The following MED11 variants were observed in gnomAD, a reference collection of about 807,000 sequenced individuals.
The protein encoded by MED11 is mediator of RNA polymerase II transcription subunit 11.
In MED11, 19 loss-of-function variants were observed where a neutral mutation model predicts 13.9. The ratio of observed to expected loss-of-function variants is 1.36; its 90% CI spans 0.95 to 2.00. The LOEUF is 2.00. MED11 is among the 30% of genes most tolerant of loss of function. The probability of loss-of-function intolerance (pLI) is 0.00; values close to 1 mark genes in which losing one functional copy is unlikely to be tolerated. For missense variants in MED11, 134 were observed against 150.2 expected (o/e 0.89, Z 0.56); for synonymous variants, 67 against 62.1 (o/e 1.08, Z -0.37).
At position 4,731,482 on chromosome 17, in the gene MED11, G is replaced by A. The variant is rs774265519; in HGVS notation, c.-8G>A. ...GAGAAACTCTTGGTGAGAATTCCCAGAGTGATAATGGCTACCTACAGCCTG... is the reference window on the plus strand; with the variant it reads ...GAGAAACTCTTGGTGAGAATTCCCAAAGTGATAATGGCTACCTACAGCCTG... On this transcript the variant is annotated 5_prime_UTR_variant, in exon 1 of 3. Transcript: ENST00000293777. 1 of 1,613,980 alleles carries A rather than the reference G, an allele frequency of 6.2e-7. No individual in the cohort carries two copies. The highest frequency in any genetic ancestry group is 2.2e-5 in the East Asian group (1 of 44,884).
rs767848061 is a variant in MED11 at position 4,731,905 on chromosome 17, A to G, written c.215A>G (p.Gln72Arg). The change falls in exon 2 of 3, where the codon CAG becomes CGG. Residue 72 changes from glutamine (Q) to arginine (R), a missense_variant and splice_region_variant. Transcript: ENST00000293777. ...TCAGCTCAGATCCGCTACCTCACCC[A>G]GGTCGGTGTGTCTGGGGGGTTCTGC... ...ELSAQIRYLTQVATGQPHEGS... is the reference protein window; with the variant it reads ...ELSAQIRYLTRVATGQPHEGS... 5.0e-6 allele frequency: 8 copies of G among 1,613,316 alleles called. No homozygotes were observed. Among genetic ancestry groups the G allele is most frequent in the Non-Finnish European group, 6.8e-6 (8 of 1,179,668 alleles).
intron 2 of MED11, chr17:4,732,556 C>T (rs1028334585): frequency 1.2e-5 from 2 of 160,956 alleles, no homozygotes; most frequent in African/African-American, 4.8e-5. Context: ...GCACTCCAGC[C>T]TGGGTAACAG....
chr17:4,733,319 C>T lies in MED11; in HGVS notation c.*132C>T, dbSNP rs1916046846. The stretch of plus-strand genomic sequence containing the variant: ...GTCAAAGTACCCTAGGACAAAGGGG[C>T]AAATGGTGGGCATGGAAAAACTGAA... On this transcript the variant is annotated 3_prime_UTR_variant, in exon 3 of 3. Transcript: ENST00000293777. 8.5e-7 allele frequency: 1 copy of T among 1,170,386 alleles called. No homozygotes were observed. The highest frequency in any genetic ancestry group is 1.5e-5 in the African/African-American group (1 of 64,906). 72.5% of individuals were successfully genotyped at this position (1,170,386 alleles called of 1,614,324 possible).
intron 2 of MED11, 85 bp downstream of exon 2, chr17:4,731,991 C>G (rs1915994591): frequency 6.7e-7 from 1 of 1,498,508 alleles, no homozygotes. Flanking sequence ...GGAGCATTAA[C>G]TGGGCAGGAC....
At position 4,733,497 on chromosome 17, in the gene MED11, C is replaced by G. The variant is rs562539799; in HGVS notation, c.*310C>G. The G allele has an allele frequency of 3.7e-6, 1 of 271,022 alleles. No individual in the cohort carries two copies. Among genetic ancestry groups the G allele is most frequent in the Admixed American group, 5.1e-5 (1 of 19,658 alleles). 16.8% of individuals were successfully genotyped at this position (271,022 alleles called of 1,614,324 possible). On this transcript the variant is annotated 3_prime_UTR_variant, in exon 3 of 3. Transcript: ENST00000293777. ...CTTCATGCTGCTGCCCCAGCCTTCC[C>G]GCAGACTTGGCCTAATGAAAATACA...
At chr17:4,731,618 C>T in intron 1 of MED11, 44 bp downstream of exon 1, 2 of 1,611,646 alleles carry the variant, frequency 1.2e-6, no homozygotes, top group East Asian at 2.2e-5. Context: ...GAAAGCGTGA[C>T]CGGGCTGCAC....
At chr17:4,731,690 G>C (rs1246729412) in intron 1 of MED11, 86 bp from the exon 2 acceptor site, 4 of 1,606,414 alleles carry the variant, frequency 2.5e-6, no homozygotes, top group Non-Finnish European at 3.4e-6. Flanking sequence ...CGTGCGCAGC[G>C]AAAGGGCGGG....
At position 4,733,193 on chromosome 17, in the gene MED11, G is replaced by A. The variant is rs1357244211; in HGVS notation, c.*6G>A. On this transcript the variant is annotated 3_prime_UTR_variant, in exon 3 of 3. Transcript: ENST00000293777. Reference sequence around the variant, plus strand: ...AGCAGATGCTGGAGAACTAGGCCAGGGAGATGGACCCAGAGCTGAGAGGGA... The same window carrying A: ...AGCAGATGCTGGAGAACTAGGCCAGAGAGATGGACCCAGAGCTGAGAGGGA... The A allele has an allele frequency of 1.2e-6, 2 of 1,614,098 alleles. No homozygotes were observed. The highest frequency in any genetic ancestry group is 1.7e-5 in the Admixed American group (1 of 60,010).
intron 2 of MED11, 147 bp from the exon 3 acceptor site, chr17:4,732,903 C>G: frequency 2.2e-6 from 2 of 893,860 alleles, no homozygotes; most frequent in Non-Finnish European, 3.4e-6. Context: ...ATTTTACAGA[C>G]AAGATTAACA....
rs1019266957 is a variant in MED11, at chr17:4,731,487, A to G, written c.-3A>G. 1 of 1,614,030 alleles carries G rather than the reference A, an allele frequency of 6.2e-7. No homozygotes were observed. The highest frequency in any genetic ancestry group is 8.5e-7 in the Non-Finnish European group (1 of 1,179,954). On this transcript the variant is annotated 5_prime_UTR_variant, in exon 1 of 3. Coordinates refer to ENST00000293777, the MANE Select transcript of MED11 (RefSeq NM_001001683.4). ...ACTCTTGGTGAGAATTCCCAGAGTG[A>G]TAATGGCTACCTACAGCCTGGCGAA... is the stretch of plus-strand genomic sequence containing the variant.
Position 4,731,440 on chromosome 17 carries a change from A to G in MED11, c.-50A>G, listed in dbSNP as rs1167665382. Reference sequence around the variant, plus strand: ...CACACCGAGAGCCACTTCCGGAACAAGCGTCGCGTTTCTGAGGAGAAACTC... The same window carrying G: ...CACACCGAGAGCCACTTCCGGAACAGGCGTCGCGTTTCTGAGGAGAAACTC... On this transcript the variant is annotated 5_prime_UTR_variant, in exon 1 of 3. Coordinates refer to ENST00000293777, the MANE Select transcript of MED11 (RefSeq NM_001001683.4). 2.5e-6 allele frequency: 4 copies of G among 1,587,120 alleles called. No homozygotes were observed. The highest frequency in any genetic ancestry group is 1.7e-4 in the Middle Eastern group (1 of 5,994).
intron 2 of MED11, 70 bp downstream of exon 2, chr17:4,731,976 A>G: frequency 6.5e-7 from 1 of 1,549,694 alleles, no homozygotes. Context: ...TGGGTGATCC[A>G]GGGTGGAGCA....
Position 4,731,557 on chromosome 17 carries a change from C to T in MED11, c.68C>T (p.Ala23Val), listed in dbSNP as rs1368536932. The T allele has an allele frequency of 6.2e-7, 1 of 1,614,186 alleles. No homozygotes were observed. Among genetic ancestry groups the T allele is most frequent in the African/African-American group, 1.3e-5 (1 of 75,060 alleles). ...GAAGACATTGAACGGGAAATCGGCG[C>T]CATCCTTCAGAATGCAGGTTCGGGA... ...ALEDIEREIG[A>V]ILQNAGTVIL... Residue 23 changes from alanine (A) to valine (V), a missense_variant, in exon 1 of 3, where the codon GCC (alanine) becomes GTC (valine). By Grantham distance (64) the Ala-to-Val change is moderately conservative (BLOSUM62 0). Transcript: ENST00000293777.
rs1916045253 is a variant in MED11 at position 4,733,282 on chromosome 17, C to T, written c.*95C>T. 6.8e-7 allele frequency: 1 copy of T among 1,467,634 alleles called. No individual in the cohort carries two copies. Among genetic ancestry groups the T allele is most frequent in the Admixed American group, 2.0e-5 (1 of 49,262 alleles). The allele number at this position is 1,467,634 out of a possible 1,614,324, so 90.9% of individuals were successfully genotyped here. ...GTAGGGTGGGGAGTATGAGCACCAA[C>T]ATACCCTGCTGGTCAAAGTACCCTA... On this transcript the variant is annotated 3_prime_UTR_variant, in exon 3 of 3. Coordinates refer to ENST00000293777, the MANE Select transcript of MED11 (RefSeq NM_001001683.4).
chr17:4,731,911 G>A lies in MED11; in HGVS notation c.216+5G>A. ...CAGATCCGCTACCTCACCCAGGTCG[G>A]TGTGTCTGGGGGGTTCTGCGAGCGA... On this transcript the variant is annotated splice_donor_5th_base_variant and intron_variant, in intron 2 of 2. Coordinates refer to ENST00000293777, the MANE Select transcript of MED11 (RefSeq NM_001001683.4). 1 of 1,613,282 alleles carries A rather than the reference G, an allele frequency of 6.2e-7. No homozygotes were observed. The highest frequency in any genetic ancestry group is 1.7e-4 in the Middle Eastern group (1 of 6,040).
chr17:4,733,082 C>G lies in MED11; in HGVS notation c.249C>G (p.Ser83Arg). 3 of 1,614,176 alleles carry G rather than the reference C, an allele frequency of 1.9e-6. No individual in the cohort carries two copies. Among genetic ancestry groups the G allele is most frequent in the Non-Finnish European group, 1.7e-6 (2 of 1,180,032 alleles). ...CAGGGCAGCCCCATGAGGGCTCCAG[C>G]TACTCTTCGAGGAAGGACTGTCAGA... ...VATGQPHEGS[S>R]YSSRKDCQMA... Residue 83 changes from serine to arginine, a missense_variant, in exon 3 of 3, where the codon AGC becomes AGG. By Grantham distance (110) the Ser-to-Arg change is moderately radical. Coordinates refer to ENST00000293777, the MANE Select transcript of MED11 (RefSeq NM_001001683.4).
At position 4,731,539 on chromosome 17, in the gene MED11, T is replaced by C. The variant is rs781459201; in HGVS notation, c.50T>C (p.Ile17Thr). 8.1e-6 allele frequency: 13 copies of C among 1,614,014 alleles called. No individual in the cohort carries two copies. Among genetic ancestry groups the C allele is most frequent in the South Asian group, 1.1e-5 (1 of 91,082 alleles). The change falls in exon 1 of 3, where the codon ATT becomes ACT. Residue 17 changes from isoleucine to threonine, a missense_variant. Ile to Thr is a moderately conservative substitution (Grantham distance 89, BLOSUM62 -1). Transcript: ENST00000293777. The stretch of plus-strand genomic sequence containing the variant: ...GAGAGACTACGCGCTCTGGAAGACA[T>C]TGAACGGGAAATCGGCGCCATCCTT... ...ANERLRALED[I>T]EREIGAILQN...
chr17:4,733,069 A>T lies in MED11; in HGVS notation c.236A>T (p.His79Leu). ...YLTQVATGQP[H>L]EGSSYSSRKD... ...TTGTAGGTGGCCACAGGGCAGCCCC[A>T]TGAGGGCTCCAGCTACTCTTCGAGG... Residue 79 changes from histidine to leucine, a missense_variant, in exon 3 of 3, where the codon CAT becomes CTT. His to Leu is a moderately conservative substitution (Grantham distance 99). Coordinates refer to ENST00000293777, the MANE Select transcript of MED11 (RefSeq NM_001001683.4). The T allele has an allele frequency of 6.2e-7, 1 of 1,614,164 alleles. No individual in the cohort carries two copies. The highest frequency in any genetic ancestry group is 8.5e-7 in the Non-Finnish European group (1 of 1,180,030).
rs1051007 is a variant in MED11, at chr17:4,733,518, A to G, written c.*331A>G. 25,866 of 234,964 alleles carry G rather than the reference A, an allele frequency of 0.11. 1,601 individuals carry two copies. The highest frequency in any genetic ancestry group is 0.16 in the Middle Eastern group (110 of 696). 14.6% of individuals were successfully genotyped at this position (234,964 alleles called of 1,614,324 possible). ...TTCCCGCAGACTTGGCCTAATGAAA[A>G]TACATACTTCTTCATTCGGAGAGAC... On this transcript the variant is annotated 3_prime_UTR_variant, in exon 3 of 3. Coordinates refer to ENST00000293777, the MANE Select transcript of MED11 (RefSeq NM_001001683.4).
Sources: allele counts gnomAD v4.1 joint callset, GRCh38; gene constraint gnomAD v4.1.1; transcripts MANE v1.5; gene names NCBI Gene and HGNC (gene_info 2026-07-23, HGNC 2026-07-21).